Variants in MYH2 observed in about 807,000 individuals in gnomAD.
MYH2 encodes the protein myosin-2.
Under a neutral mutation model 228.1 loss-of-function variants are expected in MYH2, and 139 were observed. The ratio of observed to expected loss-of-function variants is 0.61; its 90% CI spans 0.53 to 0.70. The LOEUF (loss-of-function observed/expected upper bound fraction) is 0.70. MYH2 is among the 30% of genes least tolerant of loss of function. The pLI is 0.00. For synonymous variants in MYH2, 796 were observed against 871.1 expected (o/e 0.91, Z 1.52); for missense variants, 1,809 against 2,357.5 (o/e 0.77, Z 4.82).
chr17:10,528,186 GGC>G (rs996814541), intron 27 of MYH2, among the ~76,000 whole-genome samples: 7 of 151,740 alleles, frequency 4.6e-5, no homozygotes, highest in African/African-American at 1.5e-4. Context: ...TGGGACTGCA[GGC>G]GCGCGCCACC....
At chr17:10,521,579 T>A (rs2073284952) in intron 39 of MYH2, 147 bp from the exon 40 acceptor site, 1 of 543,402 alleles carries the variant, frequency 1.8e-6, no homozygotes, top group Non-Finnish European at 3.1e-6. Context: ...TTTATTGATG[T>A]CATATATATA....
chr17:10,529,537 G>T, intron 24 of MYH2, 27 bp downstream of exon 24: 3 of 1,614,162 alleles, frequency 1.9e-6, no homozygotes, highest in Non-Finnish European at 2.5e-6. Flanking sequence ...TAGAAGAAAA[G>T]AATGTCCTTG....
chr17:10,523,040 G>T, intron 39 of MYH2, 50 bp downstream of exon 39: 1 of 1,305,122 alleles, frequency 7.7e-7, no homozygotes, highest in Non-Finnish European at 1.1e-6. Context: ...ACAAGAAGTA[G>T]TAATTATTTA....
chr17:10,527,889 G>A lies in MYH2; in HGVS notation c.3745-15C>T. The A allele has an allele frequency of 6.2e-7, 1 of 1,611,572 alleles. No homozygotes were observed. The highest frequency in any genetic ancestry group is 1.3e-5 in the African/African-American group (1 of 75,008). ...TCTAGGTTTCCCTATAGAAGAAAAA[G>A]TAAAAGAAGAAAACAGAGACCTTTT... On this transcript the variant is annotated splice_polypyrimidine_tract_variant and intron_variant, in intron 27 of 39. Coordinates refer to ENST00000245503, the MANE Select transcript of MYH2 (RefSeq NM_017534.6).
intron 4 of MYH2, 96 bp from the exon 5 acceptor site, chr17:10,545,598 T>C (rs2073619479): frequency 6.6e-7 from 1 of 1,507,228 alleles, no homozygotes; most frequent in Admixed American, 1.8e-5. Flanking sequence ...AGGGTCTTGC[T>C]CTGTCACCCA....
rs769784975 is a variant in MYH2, at chr17:10,545,519, G to T, written c.349-17C>A. On this transcript the variant is annotated splice_polypyrimidine_tract_variant and intron_variant, in intron 4 of 39. Transcript: ENST00000245503. The stretch of plus-strand genomic sequence containing the variant: ...TGAATAGGTCTATGAGAAGGAAAAA[G>T]AATAAGTACCCAAAGACCTTTCCTG... 3.1e-6 allele frequency: 5 copies of T among 1,613,632 alleles called. No individual in the cohort carries two copies. The highest frequency in any genetic ancestry group is 1.1e-5 in the South Asian group (1 of 91,078).
At chr17:10,536,414 T>A in intron 17 of MYH2, 116 bp downstream of exon 17, 1 of 771,674 alleles carries the variant, frequency 1.3e-6, no homozygotes, top group Non-Finnish European at 2.1e-6. Context: ...AATGTGATAT[T>A]AGTATATGAA....
intron 22 of MYH2, 125 bp downstream of exon 22, chr17:10,531,505 TGGA>T (rs2073423075): frequency 2.2e-5 from 29 of 1,313,626 alleles, no homozygotes; most frequent in Non-Finnish European, 3.1e-5. Flanking sequence ...TTCGTGCCAT[TGGA>T]GTGTTTTAAC....
At chr17:10,540,496 A>G in intron 11 of MYH2, 98 bp downstream of exon 11, 1 of 1,056,690 alleles carries the variant, frequency 9.5e-7, no homozygotes, top group South Asian at 1.3e-5. Context: ...GCATCCTGGA[A>G]TCTTCTTTTG....
intron 21 of MYH2, among the ~76,000 whole-genome samples, chr17:10,532,649 T>G (rs560780352): frequency 5.8e-4 from 88 of 152,264 alleles, no homozygotes; most frequent in African/African-American, 2.1e-3. Context: ...TATGTATATG[T>G]GTAGATGTAT....
chr17:10,529,105 C>T (rs764197799), intron 26 of MYH2, 26 bp from the exon 27 acceptor site: 4 of 1,614,090 alleles, frequency 2.5e-6, no homozygotes, highest in East Asian at 4.5e-5. Context: ...AATACAAACT[C>T]AGCTTCTTTG....
intron 4 of MYH2, 139 bp downstream of exon 4, chr17:10,547,336 T>C (rs2073647829): frequency 8.6e-7 from 1 of 1,160,260 alleles, no homozygotes; most frequent in African/African-American, 1.5e-5. Context: ...ACGATAGCAA[T>C]CATGAAGCCT....
rs762912466 is a variant in MYH2 at position 10,543,706 on chromosome 17, C to T, written c.741+5G>A. On this transcript the variant is annotated splice_donor_5th_base_variant and intron_variant, in intron 8 of 39. Transcript: ENST00000245503. ...AGCATCTATTAGCGTGTCCAAGAGA[C>T]TTACAAAGCGAGAGGAGTTGTCATT... 6.2e-7 allele frequency: 1 copy of T among 1,614,144 alleles called. No individual in the cohort carries two copies. Among genetic ancestry groups the T allele is most frequent in the South Asian group, 1.1e-5 (1 of 91,084 alleles).
intron 38 of MYH2, 26 bp from the exon 39 acceptor site, chr17:10,523,211 C>T: frequency 6.2e-7 from 1 of 1,607,146 alleles, no homozygotes; most frequent in South Asian, 1.1e-5. Flanking sequence ...AAGTCCAGGA[C>T]CTTAATTACT....
At chr17:10,521,486 T>C in intron 39 of MYH2, 54 bp from the exon 40 acceptor site, 3 of 1,581,730 alleles carry the variant, frequency 1.9e-6, no homozygotes, top group Non-Finnish European at 2.6e-6. Flanking sequence ...TTCTAGACTC[T>C]TTAGACCTAA....
intron 39 of MYH2, among the ~76,000 whole-genome samples, chr17:10,522,840 C>T (rs557769093): frequency 2.9e-4 from 44 of 151,856 alleles, no homozygotes; most frequent in Non-Finnish European, 4.1e-4. Context: ...TTTACAACTC[C>T]GTCATACTGT....
intron 2 of MYH2, among the ~76,000 whole-genome samples, chr17:10,548,938 C>T (rs2073668091): frequency 6.6e-6 from 1 of 152,108 alleles, no homozygotes. Context: ...AAGAAAAATG[C>T]CACAGCACTC....
At position 10,540,359 on chromosome 17, in the gene MYH2, C is replaced by CAAA. The variant is rs56139789; in HGVS notation, c.1008+232_1008+234dup. On this transcript the variant is annotated intron_variant, in intron 11 of 39. Transcript: ENST00000245503. ...GTAGGAATCTAATGCAAGTCAATTG[C>CAAA]AAAAAAAAAAAAATAGTTTAGAAAT... Among the ~76,000 whole-genome samples the CAAA allele has an allele frequency of 0.11, 16,815 of 148,974 alleles. 1,151 individuals carry two copies. The highest frequency in any genetic ancestry group is 0.26 in the East Asian group (1,274 of 4,980).
chr17:10,541,753 A>T (rs1421907390), intron 10 of MYH2, among the ~76,000 whole-genome samples: 1 of 152,062 alleles, frequency 6.6e-6, no homozygotes, highest in Non-Finnish European at 1.5e-5. Context: ...CCAGCTTTAA[A>T]ATTTCTCTCT....
Sources: allele counts gnomAD v4.1 joint callset (sites outside exome capture counted in the v4.1 genomes callset), GRCh38; gene constraint gnomAD v4.1.1; transcripts MANE v1.5; gene names NCBI Gene and HGNC (gene_info 2026-07-23, HGNC 2026-07-21).